GTF2H1: variants seen among roughly 807,000 people sequenced by gnomAD.
The protein encoded by GTF2H1 is BTF2 p62.
Under a neutral mutation model 71.2 loss-of-function variants are expected in GTF2H1, and 16 were observed. The ratio of observed to expected loss-of-function variants is 0.22; its 90% confidence interval spans 0.15 to 0.34. GTF2H1 has a LOEUF of 0.34. GTF2H1 is among the 10% of genes least tolerant of loss of function. The pLI, the probability that GTF2H1 is intolerant of heterozygous loss-of-function variation, is 1.00. For missense variants in GTF2H1, 498 were observed against 648.2 expected (o/e 0.77, Z 2.52); for synonymous variants, 215 against 219.0 (o/e 0.98, Z 0.16).
chr11:18,333,221 T>C lies in GTF2H1; in HGVS notation c.147T>C (p.Asp49=). Residue 49 remains aspartate, a synonymous_variant, in exon 2 of 15, where the codon GAT becomes GAC. Transcript: ENST00000265963. ...TTACAATCAGCCATATGTATGCAGA[T>C]ATTAAATGTAAGTCAGCTATACTAA... ...DRFTISHMYA[D]IKCQKISPEG... 10 of 1,609,540 alleles carry C rather than the reference T, an allele frequency of 6.2e-6. No individual in the cohort carries two copies. The highest frequency in any genetic ancestry group is 7.6e-6 in the Non-Finnish European group (9 of 1,177,594).
rs113364956 is a variant in GTF2H1 at position 18,329,055 on chromosome 11, C to T, written c.-15-4005C>T. Among the ~76,000 whole-genome samples, 103 of 152,102 alleles carry T rather than the reference C, an allele frequency of 6.8e-4. 2 individuals are homozygous for T. Among genetic ancestry groups the T allele is most frequent in the Non-Finnish European group, 1.3e-3 (85 of 67,996 alleles). On this transcript the variant is annotated intron_variant, in intron 1 of 14. Coordinates refer to ENST00000265963, the MANE Select transcript of GTF2H1 (RefSeq NM_005316.4). ...ATGGGATTGTAAGAAAACAAATTCTCAGTGGTGAGTAAAAATCACAAAATA... is the reference window on the plus strand; with the variant it reads ...ATGGGATTGTAAGAAAACAAATTCTTAGTGGTGAGTAAAAATCACAAAATA...
At chr11:18,361,012 C>G (rs1865684258) in intron 14 of GTF2H1, among the ~76,000 whole-genome samples, 1 of 151,784 alleles carries the variant, frequency 6.6e-6, no homozygotes, top group Admixed American at 6.6e-5. Flanking sequence ...ACCATGTTGG[C>G]CAGGCTGGTC....
At chr11:18,356,614 G>A (rs1280398600) in intron 11 of GTF2H1, among the ~76,000 whole-genome samples, 1 of 151,806 alleles carries the variant, frequency 6.6e-6, no homozygotes. Flanking sequence ...TTAGAGGTGA[G>A]GTTTCTGTCA....
At chr11:18,340,156 C>G (rs1865124588) in intron 5 of GTF2H1, among the ~76,000 whole-genome samples, 1 of 152,164 alleles carries the variant, frequency 6.6e-6, no homozygotes, top group Non-Finnish European at 1.5e-5. Flanking sequence ...ACCTCCTTGC[C>G]ACCTCTATGA....
chr11:18,323,510 G>A (rs1338994409), intron 1 of GTF2H1, among the ~76,000 whole-genome samples: 1 of 151,460 alleles, frequency 6.6e-6, no homozygotes, highest in African/African-American at 2.4e-5. Context: ...GGGGAAAGAA[G>A]ATATGAAAAA....
chr11:18,356,628 A>C (rs1238035676), intron 11 of GTF2H1, among the ~76,000 whole-genome samples: 2 of 152,074 alleles, frequency 1.3e-5, no homozygotes, highest in Non-Finnish European at 2.9e-5. Flanking sequence ...TCTGTCACCC[A>C]GACTGGAGTG....
intron 9 of GTF2H1, 197 bp downstream of exon 9, chr11:18,348,116 G>A: frequency 1.7e-6 from 1 of 593,344 alleles, no homozygotes. Context: ...ATTGACTCTA[G>A]CCTGTTAGCC....
At chr11:18,337,937 G>C (rs944932892) in intron 3 of GTF2H1, among the ~76,000 whole-genome samples, 172 bp from the exon 4 acceptor site, 2 of 152,164 alleles carry the variant, frequency 1.3e-5, no homozygotes, top group East Asian at 3.8e-4. Flanking sequence ...AAAATGTGGG[G>C]TATTTTGCTC....
intron 10 of GTF2H1, 94 bp from the exon 11 acceptor site, chr11:18,352,235 G>A: frequency 3.0e-6 from 2 of 665,024 alleles, no homozygotes; most frequent in East Asian, 2.5e-5. Context: ...TTGCCTTGAG[G>A]GGAACTTAGT....
chr11:18,332,915 T>G (rs1864933839), intron 1 of GTF2H1, 145 bp from the exon 2 acceptor site: 1 of 540,210 alleles, frequency 1.9e-6, no homozygotes, highest in African/African-American at 1.9e-5. Context: ...ATCTTCAACT[T>G]TGAATGAGAA....
At chr11:18,342,693 A>G (rs996294653) in intron 7 of GTF2H1, among the ~76,000 whole-genome samples, 4 of 152,234 alleles carry the variant, frequency 2.6e-5, no homozygotes. Context: ...AGTGGCGCTT[A>G]GACTTACAAC....
chr11:18,338,950 C>A (rs1865095149), intron 4 of GTF2H1, among the ~76,000 whole-genome samples: 1 of 151,990 alleles, frequency 6.6e-6, no homozygotes, highest in Non-Finnish European at 1.5e-5. Flanking sequence ...CCTTTTTAAA[C>A]CTTTGCCATA....
Position 18,343,110 on chromosome 11 carries a change from C to T in GTF2H1, c.837+1503C>T, listed in dbSNP as rs192292323. On this transcript the variant is annotated intron_variant, in intron 7 of 14. Coordinates refer to ENST00000265963, the MANE Select transcript of GTF2H1 (RefSeq NM_005316.4). The stretch of plus-strand genomic sequence containing the variant: ...CTAATTTTTGTATTTTTAGTACAGG[C>T]GGGGTTTCATCATGTTGGCCGGGCT... Among the ~76,000 whole-genome samples the T allele has an allele frequency of 3.3e-5, 5 of 152,210 alleles. No homozygotes were observed. In the East Asian group the frequency reaches 9.7e-4, roughly 29 times the overall value.
chr11:18,344,848 C>G (rs1198876627), intron 7 of GTF2H1, among the ~76,000 whole-genome samples: 4 of 152,074 alleles, frequency 2.6e-5, no homozygotes, highest in African/African-American at 9.7e-5. Context: ...GGCCTATGCA[C>G]TTAACTGATC....
intron 1 of GTF2H1, among the ~76,000 whole-genome samples, chr11:18,331,218 G>A (rs61651196): frequency 2.0e-5 from 3 of 152,012 alleles, no homozygotes; most frequent in South Asian, 2.1e-4. Context: ...CCTTTTGCCC[G>A]GCTAATTTTT....
At chr11:18,335,659 A>C in intron 2 of GTF2H1, 95 bp from the exon 3 acceptor site, 1 of 863,216 alleles carries the variant, frequency 1.2e-6, no homozygotes, top group Non-Finnish European at 1.9e-6. Flanking sequence ...TAAAGCCCAA[A>C]GGAATCCTGA....
chr11:18,356,493 G>T (rs1414670786), intron 11 of GTF2H1, among the ~76,000 whole-genome samples: 2 of 152,018 alleles, frequency 1.3e-5, no homozygotes, highest in Non-Finnish European at 2.9e-5. Flanking sequence ...AACCAACCTG[G>T]GATTATTTGA....
chr11:18,351,718 G>GA (rs1338901870), intron 9 of GTF2H1, 163 bp from the exon 10 acceptor site: 1 of 486,454 alleles, frequency 2.1e-6, no homozygotes, highest in Non-Finnish European at 3.8e-6. Flanking sequence ...TAGTTGTTGA[G>GA]AAAATTGGTT....
chr11:18,335,988 C>T (rs371342016), intron 3 of GTF2H1, 42 bp downstream of exon 3: 2 of 1,456,448 alleles, frequency 1.4e-6, no homozygotes. Context: ...ATACTGGGTT[C>T]TCTATAGTCT....
Sources: allele counts gnomAD v4.1 joint callset (sites outside exome capture counted in the v4.1 genomes callset), GRCh38; gene constraint gnomAD v4.1.1; transcripts MANE v1.5; gene names NCBI Gene and HGNC (gene_info 2026-07-23, HGNC 2026-07-21).